The following CNBP variants were observed in gnomAD, a reference collection of about 807,000 sequenced individuals.
The protein encoded by CNBP is cellular nucleic acid-binding protein.
A neutral mutation model predicts 21.2 loss-of-function variants in CNBP; 6 were observed. The observed-to-expected ratio is 0.28, with a 90% confidence interval of 0.16 to 0.56. The LOEUF (loss-of-function observed/expected upper bound fraction) is 0.56. Among genes scored for constraint, CNBP ranks in the 20% least tolerant of loss-of-function variants. The probability of loss-of-function intolerance (pLI) is 0.93; values close to 1 mark genes in which losing one functional copy is unlikely to be tolerated. For missense variants in CNBP, 112 were observed against 233.1 expected, an observed-to-expected ratio of 0.48 and a Z score of 3.38; for synonymous variants, 61 against 74.9, an observed-to-expected ratio of 0.81 and a Z score of 0.96.
chr3:129,176,560 A>G (rs1937920043), intron 1 of CNBP, among the ~76,000 whole-genome samples: 1 of 152,190 alleles, frequency 6.6e-6, no homozygotes, highest in Non-Finnish European at 1.5e-5. Context: ...AAACTAACTG[A>G]CCCAATCCAA....
rs1204816453 is a variant in CNBP, at chr3:129,168,385, C to A, written c.*2068G>T. 2.0e-5 allele frequency among the ~76,000 whole-genome samples: 3 copies of A among 151,910 alleles called. No individual in the cohort carries two copies. The highest frequency in any genetic ancestry group is 4.4e-5 in the Non-Finnish European group (3 of 67,982). On this transcript the variant is annotated 3_prime_UTR_variant, in exon 5 of 5. Transcript: ENST00000422453. Reference sequence around the variant, plus strand: ...TGGGGCACAGTGGCTCACCTGAGGGCAACAGTTGGAGACCAGCCTGACCAA... The same window carrying A: ...TGGGGCACAGTGGCTCACCTGAGGGAAACAGTTGGAGACCAGCCTGACCAA...
intron 1 of CNBP, among the ~76,000 whole-genome samples, chr3:129,179,827 C>A (rs1022042112): frequency 3.8e-4 from 57 of 151,810 alleles, no homozygotes; most frequent in African/African-American, 1.3e-3. Context: ...AGCGAGACTC[C>A]GTCTCCAAAA....
intron 1 of CNBP, among the ~76,000 whole-genome samples, chr3:129,177,868 A>C (rs1007622569): frequency 1.3e-5 from 2 of 152,190 alleles, no homozygotes; most frequent in Non-Finnish European, 2.9e-5. Flanking sequence ...GATAGTCAAG[A>C]TAAGGTCTGG....
intron 1 of CNBP, among the ~76,000 whole-genome samples, chr3:129,176,727 G>A (rs1469525317): frequency 6.6e-6 from 1 of 152,102 alleles, no homozygotes; most frequent in Non-Finnish European, 1.5e-5. Context: ...TGAAATCATA[G>A]GTGAGATTCT....
intron 1 of CNBP, among the ~76,000 whole-genome samples, chr3:129,177,044 A>G (rs1356387754): frequency 1.3e-5 from 2 of 152,150 alleles, no homozygotes; most frequent in African/African-American, 2.4e-5. Flanking sequence ...AGAACCTCTA[A>G]TTTGTCATCC....
intron 1 of CNBP, 68 bp from the exon 2 acceptor site, chr3:129,171,839 T>C (rs752505808): frequency 2.4e-5 from 36 of 1,490,842 alleles, no homozygotes; most frequent in Middle Eastern, 2.0e-4. Flanking sequence ...CTCTATTAAA[T>C]GTATTTTTGG....
In CNBP at chr3:129,180,583, G is replaced by A. The variant is rs73862953; in HGVS notation, c.-15+3193C>T. Among the ~76,000 whole-genome samples, 1,177 of 152,236 alleles carry A rather than the reference G, an allele frequency of 7.7e-3. 17 individuals are homozygous for A. Among genetic ancestry groups the A allele is most frequent in the African/African-American group, 0.027 (1,130 of 41,542 alleles). ...ACATGAAAATGCTGCATAGCTTACT[G>A]CAATCACTCAATGGCATTCCCTTGC... On this transcript the variant is annotated intron_variant, in intron 1 of 4. Coordinates refer to ENST00000422453, the MANE Select transcript of CNBP (RefSeq NM_003418.5).
chr3:129,168,114 G>A lies in CNBP; in HGVS notation c.*2339C>T, dbSNP rs1367575912. On this transcript the variant is annotated 3_prime_UTR_variant, in exon 5 of 5. Transcript: ENST00000422453. ...TCAAGAATCACACAGCAGCATGGAGGGGGAAAATGAACTATATGATGCTAA... is the reference window on the plus strand; with the variant it reads ...TCAAGAATCACACAGCAGCATGGAGAGGGAAAATGAACTATATGATGCTAA... 1.3e-5 allele frequency among the ~76,000 whole-genome samples: 2 copies of A among 152,130 alleles called. No homozygotes were observed. The highest frequency in any genetic ancestry group is 2.9e-5 in the Non-Finnish European group (2 of 68,036).
chr3:129,172,672 A>AGCCAGGCAGGCAGGCAGG (rs1937626287), intron 1 of CNBP, among the ~76,000 whole-genome samples: 4 of 115,402 alleles, frequency 3.5e-5, no homozygotes, highest in Admixed American at 1.9e-4. Flanking sequence ...AGACAGACAG[A>AGCCAGGCAGGCAGGCAGG]CAGACAGACA....
rs894072469 is a variant in CNBP at position 129,168,727 on chromosome 3, G to A, written c.*1726C>T. Reference sequence around the variant, plus strand: ...CTGTAACACTAGCACTTTGGGGGGCGGGGCAGGTGGATCACCTGAGGTCAG... The same window carrying A: ...CTGTAACACTAGCACTTTGGGGGGCAGGGCAGGTGGATCACCTGAGGTCAG... On this transcript the variant is annotated 3_prime_UTR_variant, in exon 5 of 5. Coordinates refer to ENST00000422453, the MANE Select transcript of CNBP (RefSeq NM_003418.5). 7.3e-5 allele frequency among the ~76,000 whole-genome samples: 11 copies of A among 151,610 alleles called. No homozygotes were observed. Among genetic ancestry groups the A allele is most frequent in the South Asian group, 4.2e-4 (2 of 4,818 alleles).
intron 1 of CNBP, among the ~76,000 whole-genome samples, chr3:129,178,823 A>G (rs1019993902): frequency 2.0e-5 from 3 of 151,756 alleles, no homozygotes; most frequent in Non-Finnish European, 4.4e-5. Context: ...GCTCACTGCA[A>G]GCTCCACCTC....
intron 1 of CNBP, among the ~76,000 whole-genome samples, chr3:129,175,564 G>C (rs1006594009): frequency 1.3e-5 from 2 of 151,446 alleles, no homozygotes; most frequent in African/African-American, 4.8e-5. Flanking sequence ...CACATAGCTG[G>C]GACTACAGGC....
At position 129,168,569 on chromosome 3, in the gene CNBP, T is replaced by C. The variant is rs1241101158; in HGVS notation, c.*1884A>G. Among the ~76,000 whole-genome samples the C allele has an allele frequency of 1.7e-5, 2 of 119,602 alleles. No homozygotes were observed. The highest frequency in any genetic ancestry group is 3.2e-5 in the Non-Finnish European group (2 of 62,236). The allele number at this position is 119,602 out of a possible 152,430, so 78.5% of individuals were successfully genotyped here. ...GTTGCAGTGAGCTGAGATTGCACCATTGCACTCTAGCCTGGGCAACAGAGC... is the reference window on the plus strand; with the variant it reads ...GTTGCAGTGAGCTGAGATTGCACCACTGCACTCTAGCCTGGGCAACAGAGC... On this transcript the variant is annotated 3_prime_UTR_variant, in exon 5 of 5. Transcript: ENST00000422453.
Position 129,168,727 on chromosome 3 carries a change from G to C in CNBP, c.*1726C>G, listed in dbSNP as rs894072469. On this transcript the variant is annotated 3_prime_UTR_variant, in exon 5 of 5. Coordinates refer to ENST00000422453, the MANE Select transcript of CNBP (RefSeq NM_003418.5). ...CTGTAACACTAGCACTTTGGGGGGC[G>C]GGGCAGGTGGATCACCTGAGGTCAG... Among the ~76,000 whole-genome samples the C allele has an allele frequency of 6.6e-6, 1 of 151,726 alleles. No individual in the cohort carries two copies. Among genetic ancestry groups the C allele is most frequent in the Non-Finnish European group, 1.5e-5 (1 of 67,910 alleles).
At chr3:129,172,600 GCAGGCAGACAGGCAGACAGGCAGC>G (rs1307147198) in intron 1 of CNBP, among the ~76,000 whole-genome samples, 22 of 52,462 alleles carry the variant, frequency 4.2e-4, no homozygotes, top group Middle Eastern at 8.6e-3. Flanking sequence ...AGGCAGGCAG[GCAGGCAGACAGGCAGACAGGCAGC>G]CAGGCAGGCA....
rs1937580529 is a variant in CNBP at position 129,172,077 on chromosome 3, A to C, written c.-14-306T>G. Among the ~76,000 whole-genome samples, 2 of 152,096 alleles carry C rather than the reference A, an allele frequency of 1.3e-5. 1 individual carries two copies. Among genetic ancestry groups the C allele is most frequent in the South Asian group, 4.2e-4 (2 of 4,814 alleles). On this transcript the variant is annotated intron_variant, in intron 1 of 4. Coordinates refer to ENST00000422453, the MANE Select transcript of CNBP (RefSeq NM_003418.5). Reference sequence around the variant, plus strand: ...TCCCAGCTACTTGGGAGGCTGAGGCAGGAGAATGGTGTGAACCCAGGAGGC... The same window carrying C: ...TCCCAGCTACTTGGGAGGCTGAGGCCGGAGAATGGTGTGAACCCAGGAGGC...
Position 129,170,577 on chromosome 3 carries a change from A to G in CNBP, c.417-7T>C, listed in dbSNP as rs753457258. 23 of 1,610,962 alleles carry G rather than the reference A, an allele frequency of 1.4e-5. No homozygotes were observed. The highest frequency in any genetic ancestry group is 1.9e-5 in the Non-Finnish European group (22 of 1,177,290). The stretch of plus-strand genomic sequence containing the variant: ...ATGACCAGTTTCACCACACCTAAAA[A>G]AGAAATTAAAAGTTTTCACAATGGG... On this transcript the variant is annotated splice_polypyrimidine_tract_variant and splice_region_variant and intron_variant, in intron 4 of 4. Transcript: ENST00000422453.
intron 1 of CNBP, 95 bp from the exon 2 acceptor site, chr3:129,171,866 A>G: frequency 7.5e-7 from 1 of 1,325,656 alleles, no homozygotes; most frequent in Non-Finnish European, 1.0e-6. Context: ...ATTCTGGGGA[A>G]AAAAGCTAGC....
At chr3:129,181,164 C>T (rs892960729) in intron 1 of CNBP, among the ~76,000 whole-genome samples, 1 of 133,202 alleles carries the variant, frequency 7.5e-6, no homozygotes, top group Admixed American at 8.7e-5. Flanking sequence ...TGCTTGAGCC[C>T]GGGAGATGGA....
Sources: gnomAD v4.1 joint callset for allele counts (sites outside exome capture counted in the v4.1 genomes callset) on GRCh38, gnomAD v4.1.1 for gene constraint, MANE v1.5 for transcripts, NCBI Gene and HGNC (gene_info 2026-07-23, HGNC 2026-07-21) for gene names.